The following SHTN1 variants were observed in gnomAD, a reference collection of about 807,000 sequenced individuals.
SHTN1 encodes the protein shootin 1.
A neutral mutation model predicts 83.1 loss-of-function variants in SHTN1; 42 were observed. The ratio of observed to expected loss-of-function variants is 0.51; its 90% CI spans 0.39 to 0.65. SHTN1 has a LOEUF of 0.65. Among genes scored for constraint, SHTN1 ranks in the 30% least tolerant of loss-of-function variants. SHTN1 has a pLI of 0.00. For missense variants in SHTN1, 622 were observed against 737.8 expected (o/e 0.84, Z 1.82); for synonymous variants, 224 against 247.7 (o/e 0.90, Z 0.90).
At chr10:117,006,051 T>C (rs892579232), upstream of SHTN1, among the ~76,000 whole-genome samples, 49 of 152,192 alleles carry the variant, frequency 3.2e-4, no homozygotes, top group African/African-American at 1.1e-3. Flanking sequence ...CAGGTCTGCA[T>C]TGTTTCAAAG....
chr10:117,005,441 C>T (rs560114587), upstream of SHTN1: 98 of 1,062,836 alleles, frequency 9.2e-5, no homozygotes, highest in East Asian at 7.7e-3. Context: ...ACCCTTTTCT[C>T]CGCCTCCACC....
chr10:117,061,673 G>C (rs566637571), intron 1 of SHTN1, among the ~76,000 whole-genome samples: 1 of 151,966 alleles, frequency 6.6e-6, no homozygotes, highest in South Asian at 2.1e-4. Context: ...GTTTCTCTAT[G>C]TTGGTCAGGC....
At chr10:116,912,743 G>A (rs1848248318) in intron 13 of SHTN1, among the ~76,000 whole-genome samples, 1 of 152,074 alleles carries the variant, frequency 6.6e-6, no homozygotes, top group African/African-American at 2.4e-5. Flanking sequence ...TAGAGATGAA[G>A]GGGAAACTTG....
chr10:117,089,941 G>C (rs1392443292), intron 1 of SHTN1, among the ~76,000 whole-genome samples: 2 of 152,144 alleles, frequency 1.3e-5, no homozygotes, highest in Non-Finnish European at 2.9e-5. Context: ...TGTTGGTGAG[G>C]ATGTGGAGAA....
At chr10:117,126,385 A>G in exon 1 of SHTN1, 1 of 178,712 alleles carries the variant, frequency 5.6e-6, no homozygotes, top group South Asian at 9.5e-5. Flanking sequence ...GTCCAGGCTC[A>G]CAGGAGGAGA....
chr10:116,900,618 A>G, intron 16 of SHTN1: 5 of 1,526,440 alleles, frequency 3.3e-6, no homozygotes, highest in Non-Finnish European at 4.4e-6. Flanking sequence ...TCTCAGCCAA[A>G]TTGCTTTTGT....
chr10:116,964,879 T>C (rs576196040), intron 3 of SHTN1, among the ~76,000 whole-genome samples: 205 of 152,038 alleles, frequency 1.3e-3, no homozygotes, highest in African/African-American at 4.7e-3. Flanking sequence ...GGCAGGAGAA[T>C]CACTTGAACC....
intron 7 of SHTN1, among the ~76,000 whole-genome samples, chr10:116,946,263 T>C (rs1276094919): frequency 3.4e-5 from 5 of 148,484 alleles, no homozygotes; most frequent in Admixed American, 2.0e-4. Flanking sequence ...TTTTTTAAGA[T>C]TGGAAGAATA....
chr10:117,004,902 G>A lies in SHTN1; in HGVS notation c.58+120C>T, dbSNP rs532861226. The A allele has an allele frequency of 8.9e-5, 73 of 824,230 alleles. 1 individual carries two copies. The East Asian group carries it at 1.7e-3, about 19-fold the overall frequency. The allele number at this position is 824,230 out of a possible 1,614,324, so 51.1% of individuals were successfully genotyped here. A position where few individuals can be genotyped will look rare whatever the true frequency, so the allele number is the denominator to read the frequency against. ...CTCTGCGGGTGACGGAGCTACTGCGGTGACCACGGCGGCCGCCACGTCTCC... is the reference window on the plus strand; with the variant it reads ...CTCTGCGGGTGACGGAGCTACTGCGATGACCACGGCGGCCGCCACGTCTCC... On this transcript the variant is annotated intron_variant, in intron 1 of 16. Transcript: ENST00000355371.
At position 116,907,048 on chromosome 10, in the gene SHTN1, G is replaced by A. The variant is rs554376035; in HGVS notation, c.1360-301C>T. Among the ~76,000 whole-genome samples the A allele has an allele frequency of 1.4e-4, 22 of 152,260 alleles. No homozygotes were observed. The South Asian group carries it at 2.9e-3, about 20-fold the overall frequency. ...ATCAGTGGGAAGGTACCTGCATAGC[G>A]ACGATTAAGACGTGATGTGTGTTGA... On this transcript the variant is annotated intron_variant, in intron 14 of 16. Coordinates refer to ENST00000355371, the MANE Select transcript of SHTN1 (RefSeq NM_001127211.3).
rs1279372258 is a variant in SHTN1, at chr10:116,962,697, G to C, written c.173-2467C>G. 2.6e-5 allele frequency among the ~76,000 whole-genome samples: 4 copies of C among 152,268 alleles called. No homozygotes were observed. In the East Asian group the frequency reaches 7.7e-4, roughly 29 times the overall value. On this transcript the variant is annotated intron_variant, in intron 3 of 16. Transcript: ENST00000355371. ...AAAAAGGTGCCCTGTGATTCAACTT[G>C]ATAAACATAGCTGGGTAGTCCTTGC...
At chr10:116,971,312 C>A (rs984136609) in intron 2 of SHTN1, among the ~76,000 whole-genome samples, 2 of 152,140 alleles carry the variant, frequency 1.3e-5, no homozygotes, top group Admixed American at 1.3e-4. Flanking sequence ...GCAATCCCAT[C>A]CTCTGTAAAA....
chr10:116,928,170 AG>A (rs1316881714), intron 10 of SHTN1, among the ~76,000 whole-genome samples: 2 of 152,226 alleles, frequency 1.3e-5, no homozygotes, highest in Admixed American at 6.5e-5. Flanking sequence ...GCTGAAGGGT[AG>A]GAAGGAGTAG....
intron 2 of SHTN1, 26 bp downstream of exon 2, chr10:116,979,230 G>A (rs1156987540): frequency 1.0e-5 from 16 of 1,600,894 alleles, no homozygotes; most frequent in African/African-American, 1.3e-5. Context: ...ATGTAAGAAA[G>A]GGGAAAAAAA....
chr10:116,915,317 T>G, intron 13 of SHTN1, 58 bp downstream of exon 13: 1 of 941,402 alleles, frequency 1.1e-6, no homozygotes, highest in Admixed American at 1.9e-5. Context: ...AATTTCAAAT[T>G]TATACATTTA....
chr10:117,049,716 G>T (rs1255788492), intron 1 of SHTN1, among the ~76,000 whole-genome samples: 1 of 152,170 alleles, frequency 6.6e-6, no homozygotes, highest in East Asian at 1.9e-4. Flanking sequence ...TGATTTAAGA[G>T]AGGCTTGGAT....
chr10:116,907,904 C>A, intron 14 of SHTN1: 1 of 518,336 alleles, frequency 1.9e-6, no homozygotes, highest in South Asian at 1.4e-5. Flanking sequence ...CTGCTCCCTC[C>A]CTGCCTGCCA....
At chr10:116,944,434 A>G (rs1849499115) in intron 8 of SHTN1, among the ~76,000 whole-genome samples, 1 of 152,192 alleles carries the variant, frequency 6.6e-6, no homozygotes, top group Non-Finnish European at 1.5e-5. Flanking sequence ...TACAACTAGT[A>G]ACTGACATGG....
At chr10:116,944,804 T>C (rs1232015760) in intron 8 of SHTN1, 120 bp downstream of exon 8, 4 of 677,668 alleles carry the variant, frequency 5.9e-6, no homozygotes, top group Non-Finnish European at 1.1e-5. Context: ...GGCATGAGAA[T>C]CGCTTGAATC....
Sources: allele counts gnomAD v4.1 joint callset (sites outside exome capture counted in the v4.1 genomes callset), GRCh38; gene constraint gnomAD v4.1.1; transcripts MANE v1.5; gene names NCBI Gene and HGNC (gene_info 2026-07-23, HGNC 2026-07-21).